Variants in TMEM117 observed in about 807,000 individuals in gnomAD.
TMEM117 encodes transmembrane protein 117.
TMEM117 carries 27 observed loss-of-function variants against 52.4 expected under a neutral mutation model. That is an observed-to-expected ratio of 0.51 (90% CI 0.38 to 0.71). TMEM117 has a LOEUF of 0.71. Ranked by LOEUF, TMEM117 falls within the 30% of genes least tolerant of loss-of-function variation. The pLI is 0.00. For missense variants in TMEM117, 556 were observed against 630.5 expected (o/e 0.88, Z 1.26); for synonymous variants, 215 against 206.3 (o/e 1.04, Z -0.36).
At chr12:44,203,430 T>C (rs918427640) in intron 4 of TMEM117, among the ~76,000 whole-genome samples, 1 of 152,188 alleles carries the variant, frequency 6.6e-6, no homozygotes, top group African/African-American at 2.4e-5. Flanking sequence ...ATCTTCTGTA[T>C]GGATTTTCGT....
chr12:44,290,325 G>A (rs556524007), intron 5 of TMEM117, among the ~76,000 whole-genome samples: 1 of 152,144 alleles, frequency 6.6e-6, no homozygotes, highest in South Asian at 2.1e-4. Context: ...CTTTTTCCCT[G>A]TTTTCTTATA....
chr12:44,168,602 A>T (rs1949002136), intron 4 of TMEM117, among the ~76,000 whole-genome samples: 1 of 152,182 alleles, frequency 6.6e-6, no homozygotes. Context: ...ATAATGATAC[A>T]TCTTGTACAG....
intron 7 of TMEM117, 28 bp from the exon 8 acceptor site, chr12:44,387,998 T>C: frequency 1.3e-6 from 2 of 1,574,506 alleles, no homozygotes; most frequent in Non-Finnish European, 1.7e-6. Flanking sequence ...GGCCCTTTGA[T>C]TAATGCAGTA....
At chr12:44,101,012 C>T (rs890917006) in intron 3 of TMEM117, among the ~76,000 whole-genome samples, 6 of 151,876 alleles carry the variant, frequency 4.0e-5, no homozygotes, top group African/African-American at 1.5e-4. Flanking sequence ...GATTCGGTGC[C>T]TGTTGAGGAC....
At chr12:43,841,965 G>GC (rs1309176788) in intron 1 of TMEM117, among the ~76,000 whole-genome samples, 1 of 152,170 alleles carries the variant, frequency 6.6e-6, no homozygotes, top group Non-Finnish European at 1.5e-5. Context: ...AGCAACAGCA[G>GC]CCTGTAATAA....
chr12:43,968,618 T>C (rs1194903195), intron 3 of TMEM117, among the ~76,000 whole-genome samples: 1 of 152,176 alleles, frequency 6.6e-6, no homozygotes, highest in Non-Finnish European at 1.5e-5. Flanking sequence ...AATATTCAGC[T>C]TGAAAAGCTG....
At chr12:44,039,281 G>A (rs2137891328) in intron 3 of TMEM117, among the ~76,000 whole-genome samples, 1 of 151,928 alleles carries the variant, frequency 6.6e-6, no homozygotes, top group Non-Finnish European at 1.5e-5. Context: ...ACAAATCTGT[G>A]AGATCTGTTT....
intron 5 of TMEM117, among the ~76,000 whole-genome samples, chr12:44,288,606 C>A (rs552901986): frequency 6.6e-6 from 1 of 152,104 alleles, no homozygotes; most frequent in Admixed American, 6.5e-5. Context: ...CAAAATGTTA[C>A]AATAAATTCT....
At chr12:44,307,307 T>A (rs2138660309) in intron 6 of TMEM117, among the ~76,000 whole-genome samples, 1 of 152,346 alleles carries the variant, frequency 6.6e-6, no homozygotes, top group South Asian at 2.1e-4. Flanking sequence ...ATTTACAGGC[T>A]ACTTAGAAAG....
chr12:44,273,261 A>G (rs932658622), intron 5 of TMEM117, among the ~76,000 whole-genome samples: 1 of 152,088 alleles, frequency 6.6e-6, no homozygotes, highest in African/African-American at 2.4e-5. Flanking sequence ...GATGTACCTA[A>G]TGTAAATGAT....
chr12:44,156,812 C>T (rs1948831764), intron 4 of TMEM117, among the ~76,000 whole-genome samples: 1 of 151,952 alleles, frequency 6.6e-6, no homozygotes. Flanking sequence ...GTTGCAGCAC[C>T]CCAAGGGCCT....
At chr12:44,151,041 T>C (rs1323543402) in intron 4 of TMEM117, among the ~76,000 whole-genome samples, 1 of 152,100 alleles carries the variant, frequency 6.6e-6, no homozygotes, top group Non-Finnish European at 1.5e-5. Context: ...GGAATATAAA[T>C]TTTATATTCA....
intron 3 of TMEM117, among the ~76,000 whole-genome samples, chr12:43,951,757 G>A (rs1235924856): frequency 2.0e-5 from 3 of 150,926 alleles, no homozygotes; most frequent in Non-Finnish European, 4.4e-5. Flanking sequence ...CCTGATGAGG[G>A]CGATTCCCTG....
intron 4 of TMEM117, among the ~76,000 whole-genome samples, chr12:44,185,869 TACACACACACACACACACACACACAC>T (rs3065433): frequency 3.0e-5 from 4 of 135,112 alleles, no homozygotes; most frequent in South Asian, 5.0e-4. Context: ...CTAAAAGACA[TACACACACACACACACACACACACAC>T]ACACACACAC....
chr12:44,191,756 A>G (rs572960996), intron 4 of TMEM117, among the ~76,000 whole-genome samples: 1 of 152,314 alleles, frequency 6.6e-6, no homozygotes, highest in Admixed American at 6.5e-5. Context: ...GAGCTATCAC[A>G]ATGCTTAGTG....
chr12:44,344,523 G>A (rs11182472), intron 6 of TMEM117, among the ~76,000 whole-genome samples: 7,863 of 152,086 alleles, frequency 0.052, 664 homozygotes, highest in African/African-American at 0.18. Flanking sequence ...TGTCCAGGTG[G>A]TCACGCAAGG....
chr12:44,242,130 CTT>C (rs111532606), intron 5 of TMEM117, among the ~76,000 whole-genome samples: 4 of 144,950 alleles, frequency 2.8e-5, no homozygotes, highest in African/African-American at 7.4e-5. Flanking sequence ...GATAATTTGT[CTT>C]TTTTTTTTTT....
chr12:43,980,108 TC>T (rs1456655684), intron 3 of TMEM117, among the ~76,000 whole-genome samples: 2 of 152,202 alleles, frequency 1.3e-5, no homozygotes, highest in African/African-American at 4.8e-5. Flanking sequence ...CTGTAGTGTA[TC>T]CCTTGTCTTT....
intron 2 of TMEM117, among the ~76,000 whole-genome samples, chr12:43,869,701 C>A (rs1179644751): frequency 6.6e-6 from 1 of 152,190 alleles, no homozygotes; most frequent in African/African-American, 2.4e-5. Flanking sequence ...GATTTTCTGC[C>A]TTTCAGGCTC....
Sources: gnomAD v4.1 joint callset for allele counts (sites outside exome capture counted in the v4.1 genomes callset) on GRCh38, gnomAD v4.1.1 for gene constraint, MANE v1.5 for transcripts, NCBI Gene and HGNC (gene_info 2026-07-23, HGNC 2026-07-21) for gene names.